Variants in FHIP2A observed in about 807,000 individuals in gnomAD.
FHIP2A encodes the protein family with sequence similarity 160 member B1.
In FHIP2A, 46 loss-of-function variants were observed where a neutral mutation model predicts 93.5. That is an observed-to-expected ratio of 0.49 (90% CI 0.39 to 0.63). The LOEUF (loss-of-function observed/expected upper bound fraction) is 0.63. FHIP2A is among the 20% of genes least tolerant of loss of function. FHIP2A has a pLI of 0.00. For synonymous variants in FHIP2A, 332 were observed against 326.5 expected, an observed-to-expected ratio of 1.02 and a Z score of -0.18; for missense variants, 769 against 909.7, an observed-to-expected ratio of 0.85 and a Z score of 1.99.
intron 13 of FHIP2A, among the ~76,000 whole-genome samples, chr10:114,851,435 G>A (rs560523426): frequency 1.3e-5 from 2 of 151,896 alleles, no homozygotes; most frequent in African/African-American, 4.8e-5. Context: ...TTTTTTACAT[G>A]TAGACATCCA....
chr10:114,872,386 T>C (rs1381915506), intron 16 of FHIP2A, among the ~76,000 whole-genome samples: 1 of 152,204 alleles, frequency 6.6e-6, no homozygotes, highest in Non-Finnish European at 1.5e-5. Flanking sequence ...ATGAGTTCAA[T>C]TTACATTGTA....
rs2083760536 is a variant in FHIP2A at position 114,855,293 on chromosome 10, C to T, written c.1900C>T (p.His634Tyr). 2.5e-6 allele frequency: 4 copies of T among 1,613,752 alleles called. No homozygotes were observed. Among genetic ancestry groups the T allele is most frequent in the Admixed American group, 1.7e-5 (1 of 59,982 alleles). ...TTTAGAAGCTGCTTTCTTTGAAGGTCATTTTTTGAAAGTGCTGTTCGACAG... is the reference window on the plus strand; with the variant it reads ...TTTAGAAGCTGCTTTCTTTGAAGGTTATTTTTTGAAAGTGCTGTTCGACAG... The part of the protein sequence containing the change: ...CNLEAAFFEG[H>Y]FLKVLFDRMG... Residue 634 changes from histidine to tyrosine, a missense_variant, in exon 14 of 17, where the codon CAT (histidine) becomes TAT (tyrosine). Coordinates refer to ENST00000369248, the MANE Select transcript of FHIP2A (RefSeq NM_020940.4).
chr10:114,866,193 A>G (rs1428445380), downstream of FHIP2A, among the ~76,000 whole-genome samples: 2 of 149,576 alleles, frequency 1.3e-5, no homozygotes, highest in African/African-American at 2.5e-5. Context: ...TTCAGCTCCT[A>G]CTTATAAGTG....
intron 1 of FHIP2A, among the ~76,000 whole-genome samples, chr10:114,828,500 T>A (rs975460257): frequency 6.6e-6 from 1 of 152,254 alleles, no homozygotes; most frequent in Non-Finnish European, 1.5e-5. Flanking sequence ...AAATTTCATT[T>A]GGGTTTGTCC....
chr10:114,859,047 A>G (rs188415472), intron 14 of FHIP2A, among the ~76,000 whole-genome samples: 1 of 152,292 alleles, frequency 6.6e-6, no homozygotes, highest in East Asian at 1.9e-4. Context: ...AGTATTACCA[A>G]GTAGGAGAAT....
chr10:114,888,658 A>C (rs1307195974), intron 16 of FHIP2A, among the ~76,000 whole-genome samples: 1 of 151,754 alleles, frequency 6.6e-6, no homozygotes, highest in Non-Finnish European at 1.5e-5. Context: ...GCTGGAGTGC[A>C]ATGGTGCGAT....
Position 114,863,894 on chromosome 10 carries a change from T to A in FHIP2A, c.*2354T>A. 9.2e-7 allele frequency: 1 copy of A among 1,086,472 alleles called. No individual in the cohort carries two copies. Among genetic ancestry groups the A allele is most frequent in the Non-Finnish European group, 1.1e-6 (1 of 887,790 alleles). The allele number at this position is 1,086,472 out of a possible 1,614,324, so 67.3% of individuals were successfully genotyped here. On this transcript the variant is annotated 3_prime_UTR_variant, in exon 17 of 17. Coordinates refer to ENST00000369248, the MANE Select transcript of FHIP2A (RefSeq NM_020940.4). Reference sequence around the variant, plus strand: ...ACATTTGTATCAATAAATATGCACATTTTTTAAAACTTTCTAACAATATAG... The same window carrying A: ...ACATTTGTATCAATAAATATGCACAATTTTTAAAACTTTCTAACAATATAG...
chr10:114,896,063 G>T (rs1254663637), intron 16 of FHIP2A, among the ~76,000 whole-genome samples: 1 of 152,090 alleles, frequency 6.6e-6, no homozygotes, highest in East Asian at 1.9e-4. Flanking sequence ...AGCAGAAAAA[G>T]GTGTTACTCC....
At chr10:114,873,094 TAGA>T (rs887251570) in intron 16 of FHIP2A, among the ~76,000 whole-genome samples, 2 of 152,212 alleles carry the variant, frequency 1.3e-5, no homozygotes, top group Non-Finnish European at 2.9e-5. Context: ...GATCAGAACC[TAGA>T]AGGTTAGGGG....
In FHIP2A at chr10:114,833,307, G is replaced by T. The variant is rs1482271158; in HGVS notation, c.199G>T (p.Glu67Ter). 1 of 1,613,736 alleles carries T rather than the reference G, an allele frequency of 6.2e-7. No individual in the cohort carries two copies. The highest frequency in any genetic ancestry group is 1.1e-5 in the South Asian group (1 of 91,068). ...EQMLDILVQE[E>*]NERESGETGP... The stretch of plus-strand genomic sequence containing the variant: ...GATGTTAGATATACTGGTTCAAGAA[G>T]AAAATGAACGGGAATCTGGAGAGAC... Residue 67 changes from glutamate to a stop codon, truncating the protein, a stop_gained, in exon 3 of 17, where the codon GAA becomes TAA. Coordinates refer to ENST00000369248, the MANE Select transcript of FHIP2A (RefSeq NM_020940.4). LOFTEE classifies it high-confidence loss of function.
At position 114,843,028 on chromosome 10, in the gene FHIP2A, G is replaced by C. The variant is rs148525962; in HGVS notation, c.618G>C (p.Gln206His). Reference sequence around the variant, plus strand: ...ATTCCTTGTCAACAGATACAGGACAGTCCCGTCAACCAGAGGAACTATCTG... The same window carrying C: ...ATTCCTTGTCAACAGATACAGGACACTCCCGTCAACCAGAGGAACTATCTG... ...GQDSLSTDTG[Q>H]SRQPEELSGA... The change falls in exon 6 of 17, where the codon CAG (glutamine) becomes CAC (histidine). Residue 206 changes from glutamine (Q) to histidine (H), a missense_variant. Gln to His is a conservative substitution (Grantham distance 24). Coordinates refer to ENST00000369248, the MANE Select transcript of FHIP2A (RefSeq NM_020940.4). 9.9e-6 allele frequency: 16 copies of C among 1,614,022 alleles called. No individual in the cohort carries two copies. Among genetic ancestry groups the C allele is most frequent in the Non-Finnish European group, 1.2e-5 (14 of 1,179,892 alleles).
At position 114,862,769 on chromosome 10, in the gene FHIP2A, T is replaced by C. The variant is rs974903536; in HGVS notation, c.*1229T>C. 6.7e-5 allele frequency: 66 copies of C among 985,350 alleles called. No homozygotes were observed. The highest frequency in any genetic ancestry group is 7.6e-5 in the Non-Finnish European group (63 of 829,942). The allele number at this position is 985,350 out of a possible 1,614,324, so 61.0% of individuals were successfully genotyped here. On this transcript the variant is annotated 3_prime_UTR_variant, in exon 17 of 17. Transcript: ENST00000369248. ...TCACTCAAATAATGCTTTTAAGCTA[T>C]TGTTTGTTTTTATTTGACATGTTAA...
chr10:114,895,452 A>G (rs1238278958), intron 16 of FHIP2A, among the ~76,000 whole-genome samples: 1 of 152,192 alleles, frequency 6.6e-6, no homozygotes, highest in African/African-American at 2.4e-5. Context: ...ATCATAAACT[A>G]TGAGTTGCTA....
chr10:114,894,801 A>C (rs17794472), intron 16 of FHIP2A, among the ~76,000 whole-genome samples: 44,504 of 151,964 alleles, frequency 0.29, 7,582 homozygotes, highest in Middle Eastern at 0.43. Context: ...CAACAAAAAA[A>C]CTGGGAACGA....
chr10:114,833,441 A>G, intron 3 of FHIP2A, 39 bp downstream of exon 3: 1 of 1,554,242 alleles, frequency 6.4e-7, no homozygotes, highest in South Asian at 1.1e-5. Context: ...GGGCATTAGT[A>G]CATGCATTAA....
chr10:114,891,709 C>T (rs537513772), intron 16 of FHIP2A, among the ~76,000 whole-genome samples: 4 of 151,744 alleles, frequency 2.6e-5, no homozygotes, highest in East Asian at 1.9e-4. Flanking sequence ...CTCCGCCTCC[C>T]GGGTTCAAGC....
chr10:114,897,402 A>G (rs2084006221), intron 16 of FHIP2A, among the ~76,000 whole-genome samples: 1 of 152,224 alleles, frequency 6.6e-6, no homozygotes, highest in African/African-American at 2.4e-5. Flanking sequence ...CCCTTTCTGC[A>G]GAAAGTCAAA....
At chr10:114,845,873 A>G (rs2083697589) in intron 8 of FHIP2A, 140 bp from the exon 9 acceptor site, 1 of 646,164 alleles carries the variant, frequency 1.5e-6, no homozygotes. Context: ...CTAGATTTAT[A>G]TGCCACCAAT....
At chr10:114,839,840 C>CCACTG in intron 5 of FHIP2A, among the ~76,000 whole-genome samples, 1 of 149,256 alleles carries the variant, frequency 6.7e-6, no homozygotes, top group East Asian at 2.0e-4. Context: ...CAAGATCACG[C>CCACTG]CACTGCACTT....
Sources: allele counts gnomAD v4.1 joint callset (sites outside exome capture counted in the v4.1 genomes callset), GRCh38; gene constraint gnomAD v4.1.1; transcripts MANE v1.5; gene names NCBI Gene and HGNC (gene_info 2026-07-23, HGNC 2026-07-21).